ATRNL1: variants seen among roughly 807,000 people sequenced by gnomAD.
ATRNL1 encodes attractin-like protein 1.
ATRNL1 carries 95 observed loss-of-function variants against 182.7 expected under a neutral mutation model. The ratio of observed to expected loss-of-function variants is 0.52; its 90% CI spans 0.44 to 0.62. ATRNL1 has a LOEUF of 0.62. ATRNL1 is among the 20% of genes least tolerant of loss of function. ATRNL1 has a pLI of 0.00. For synonymous variants in ATRNL1, 576 were observed against 568.3 expected (o/e 1.01, Z -0.19); for missense variants, 1,471 against 1,679.5 (o/e 0.88, Z 2.17).
intron 25 of ATRNL1, among the ~76,000 whole-genome samples, chr10:115,536,308 G>T (rs1325467042): frequency 5.3e-5 from 8 of 152,156 alleles, no homozygotes; most frequent in South Asian, 2.1e-4. Context: ...AGCAAGCCTG[G>T]GCAATGGCGG....
chr10:115,276,807 C>T lies in ATRNL1; in HGVS notation c.2101-4548C>T, dbSNP rs1592367382. On this transcript the variant is annotated intron_variant, in intron 13 of 28. Coordinates refer to ENST00000355044, the MANE Select transcript of ATRNL1 (RefSeq NM_207303.4). ...TGCCAGCTATGTTTCAGAATAATAGCTTTCTTTTACCATTGATTAACTTGG... is the reference window on the plus strand; with the variant it reads ...TGCCAGCTATGTTTCAGAATAATAGTTTTCTTTTACCATTGATTAACTTGG... Among the ~76,000 whole-genome samples the T allele has an allele frequency of 3.3e-5, 5 of 152,178 alleles. No individual in the cohort carries two copies. The East Asian group carries it at 9.6e-4, about 29-fold the overall frequency.
intron 27 of ATRNL1, among the ~76,000 whole-genome samples, chr10:115,761,326 A>C (rs1482274811): frequency 1.3e-5 from 2 of 152,130 alleles, no homozygotes; most frequent in African/African-American, 4.8e-5. Flanking sequence ...TTGTGGAATA[A>C]TTTGAGAGGT....
At chr10:115,574,994 G>A (rs1350425541) in intron 26 of ATRNL1, among the ~76,000 whole-genome samples, 1 of 152,096 alleles carries the variant, frequency 6.6e-6, no homozygotes, top group Admixed American at 6.6e-5. Context: ...TGAATAATAT[G>A]ATGTAACTAA....
At chr10:115,695,547 T>C (rs1442902171) in intron 26 of ATRNL1, among the ~76,000 whole-genome samples, 2 of 152,178 alleles carry the variant, frequency 1.3e-5, no homozygotes, top group Non-Finnish European at 2.9e-5. Context: ...ATGTGATTTG[T>C]ATTGTATTCT....
intron 27 of ATRNL1, among the ~76,000 whole-genome samples, chr10:115,797,335 T>C (rs1417102285): frequency 6.6e-6 from 1 of 152,176 alleles, no homozygotes; most frequent in African/African-American, 2.4e-5. Context: ...GTGGTCTCTC[T>C]CCTGGCCTTT....
At chr10:115,406,591 A>G (rs1844839330) in intron 20 of ATRNL1, among the ~76,000 whole-genome samples, 1 of 152,158 alleles carries the variant, frequency 6.6e-6, no homozygotes, top group Non-Finnish European at 1.5e-5. Context: ...CTTAAGCTTA[A>G]AAAATTCCTT....
intron 21 of ATRNL1, among the ~76,000 whole-genome samples, chr10:115,426,841 C>T (rs980027196): frequency 1.3e-5 from 2 of 152,194 alleles, no homozygotes; most frequent in Admixed American, 6.5e-5. Context: ...TCTCCAGCCT[C>T]AGCCTCCCAA....
intron 24 of ATRNL1, among the ~76,000 whole-genome samples, chr10:115,514,798 A>G (rs2133687017): frequency 6.6e-6 from 1 of 152,058 alleles, no homozygotes; most frequent in Non-Finnish European, 1.5e-5. Context: ...TCATATTTGA[A>G]TATTATATAT....
chr10:115,908,667 C>T (rs933359160), intron 28 of ATRNL1, among the ~76,000 whole-genome samples: 12 of 152,154 alleles, frequency 7.9e-5, no homozygotes, highest in African/African-American at 2.9e-4. Context: ...GCCACAGAGG[C>T]ACAAGGCAAA....
intron 19 of ATRNL1, among the ~76,000 whole-genome samples, chr10:115,346,006 T>A (rs900767009): frequency 1.3e-5 from 2 of 152,236 alleles, no homozygotes; most frequent in African/African-American, 4.8e-5. Flanking sequence ...TATCTTTTGA[T>A]GTGCTTGCTG....
At chr10:115,840,706 T>C (rs1411924072) in intron 27 of ATRNL1, among the ~76,000 whole-genome samples, 1 of 151,982 alleles carries the variant, frequency 6.6e-6, no homozygotes, top group Admixed American at 6.6e-5. Flanking sequence ...TACTCAGAAG[T>C]ATTGAAAGAG....
intron 28 of ATRNL1, among the ~76,000 whole-genome samples, chr10:115,898,525 G>A (rs1224574426): frequency 6.6e-6 from 1 of 152,174 alleles, no homozygotes; most frequent in Non-Finnish European, 1.5e-5. Flanking sequence ...GCTGCTGTAT[G>A]AGCAGTGCAC....
chr10:115,750,436 G>C lies in ATRNL1; in HGVS notation c.3903+23081G>C, dbSNP rs539703571. On this transcript the variant is annotated intron_variant, in intron 27 of 28. Transcript: ENST00000355044. The stretch of plus-strand genomic sequence containing the variant: ...CAGCTATATGGGAAAAGAGAAAACT[G>C]AATCTGTTCCAAATGTAACAGAATC... 7.9e-5 allele frequency among the ~76,000 whole-genome samples: 12 copies of C among 151,828 alleles called. No individual in the cohort carries two copies. In the East Asian group the frequency reaches 2.1e-3, roughly 27 times the overall value.
intron 26 of ATRNL1, among the ~76,000 whole-genome samples, chr10:115,574,000 A>G (rs1555004294): frequency 6.6e-6 from 1 of 152,182 alleles, no homozygotes; most frequent in East Asian, 1.9e-4. Context: ...GACAGGAAAG[A>G]AATGGGTAAT....
chr10:115,138,079 C>G (rs2143792486), intron 5 of ATRNL1, among the ~76,000 whole-genome samples: 1 of 152,340 alleles, frequency 6.6e-6, no homozygotes, highest in Admixed American at 6.5e-5. Context: ...CCTTAAAGCT[C>G]CAAAATGATC....
At chr10:115,614,059 T>A (rs1431457144) in intron 26 of ATRNL1, among the ~76,000 whole-genome samples, 1 of 152,002 alleles carries the variant, frequency 6.6e-6, no homozygotes, top group Non-Finnish European at 1.5e-5. Context: ...TTATTTTTTA[T>A]ACTAATTTTC....
chr10:115,524,965 C>T (rs1554986181), intron 25 of ATRNL1, among the ~76,000 whole-genome samples: 3 of 152,166 alleles, frequency 2.0e-5, no homozygotes, highest in Admixed American at 6.5e-5. Flanking sequence ...TATCCTCATG[C>T]ATATACCAAT....
At chr10:115,917,756 C>A (rs1227664144) in intron 28 of ATRNL1, among the ~76,000 whole-genome samples, 1 of 152,018 alleles carries the variant, frequency 6.6e-6, no homozygotes, top group Non-Finnish European at 1.5e-5. Flanking sequence ...AATAATGCTC[C>A]AAGGAAAATT....
At chr10:115,681,904 G>A (rs964232202) in intron 26 of ATRNL1, among the ~76,000 whole-genome samples, 1 of 152,134 alleles carries the variant, frequency 6.6e-6, no homozygotes, top group Non-Finnish European at 1.5e-5. Flanking sequence ...AGAAATATAG[G>A]TAATTTTTTC....
Sources: gnomAD v4.1 joint callset for allele counts (sites outside exome capture counted in the v4.1 genomes callset) on GRCh38, gnomAD v4.1.1 for gene constraint, MANE v1.5 for transcripts, NCBI Gene and HGNC (gene_info 2026-07-23, HGNC 2026-07-21) for gene names.